Variants in MELK observed in about 807,000 individuals in gnomAD.
MELK encodes the protein pEg3 kinase.
MELK carries 81 observed loss-of-function variants against 85.0 expected under a neutral mutation model. The ratio of observed to expected loss-of-function variants is 0.95; its 90% CI spans 0.80 to 1.15. The LOEUF (loss-of-function observed/expected upper bound fraction) is 1.15, where lower values mean the gene tolerates loss of function less well. Ranked by LOEUF, MELK falls within the 50% of genes most tolerant of loss-of-function variation. The probability of loss-of-function intolerance (pLI) is 0.00; values close to 1 mark genes in which losing one functional copy is unlikely to be tolerated. For synonymous variants in MELK, 252 were observed against 265.0 expected (o/e 0.95, Z 0.48); for missense variants, 754 against 777.5 (o/e 0.97, Z 0.36).
chr9:36,670,841 T>A (rs1832819300), intron 15 of MELK, among the ~76,000 whole-genome samples, 157 bp from the exon 16 acceptor site: 1 of 151,606 alleles, frequency 6.6e-6, no homozygotes, highest in Non-Finnish European at 1.5e-5. Context: ...CAGGGGGAGA[T>A]GGCTTTGGTG....
intron 8 of MELK, among the ~76,000 whole-genome samples, chr9:36,628,496 T>C (rs1477785104): frequency 6.6e-6 from 1 of 152,110 alleles, no homozygotes; most frequent in Non-Finnish European, 1.5e-5. Context: ...CTCAGCTCAC[T>C]GCGACCTCCA....
chr9:36,677,145 T>A lies in MELK; in HGVS notation c.1779-15T>A. On this transcript the variant is annotated splice_polypyrimidine_tract_variant and intron_variant, in intron 17 of 17. Transcript: ENST00000298048. The stretch of plus-strand genomic sequence containing the variant: ...GGTTCTCCTACTAACTAGCTTCTTA[T>A]CTTGTTTTTCACAGTTATACACTGA... 1.2e-6 allele frequency: 2 copies of A among 1,606,390 alleles called. No individual in the cohort carries two copies. Among genetic ancestry groups the A allele is most frequent in the Non-Finnish European group, 1.7e-6 (2 of 1,174,542 alleles).
chr9:36,615,774 G>T (rs1470873944), intron 8 of MELK, among the ~76,000 whole-genome samples: 34 of 146,014 alleles, frequency 2.3e-4, no homozygotes, highest in African/African-American at 3.3e-4. Context: ...GGGCAGAGAC[G>T]CTCCTCACTT....
chr9:36,652,081 C>G (rs1830766863), intron 12 of MELK, among the ~76,000 whole-genome samples: 1 of 120,456 alleles, frequency 8.3e-6, no homozygotes, highest in African/African-American at 3.0e-5. Context: ...GAGTCTCACT[C>G]TGTCATCTAG....
At chr9:36,594,924 CTTTTTTTTTT>C (rs756955937) in intron 5 of MELK, among the ~76,000 whole-genome samples, 153 bp downstream of exon 5, 62 of 131,914 alleles carry the variant, frequency 4.7e-4, no homozygotes, top group Non-Finnish European at 7.2e-4. Context: ...TTTCCTCTTA[CTTTTTTTTTT>C]TTTTTTTTTG....
At chr9:36,586,210 G>A (rs1318992352) in intron 3 of MELK, among the ~76,000 whole-genome samples, 1 of 152,022 alleles carries the variant, frequency 6.6e-6, no homozygotes. Context: ...GGACATGGTG[G>A]TACACACCTG....
At chr9:36,592,938 C>T (rs1001859921) in intron 4 of MELK, among the ~76,000 whole-genome samples, 2 of 152,120 alleles carry the variant, frequency 1.3e-5, no homozygotes, top group Non-Finnish European at 2.9e-5. Context: ...TTGAAGTTTT[C>T]CCTGTAACCA....
intron 11 of MELK, among the ~76,000 whole-genome samples, chr9:36,649,329 A>G (rs1830485612): frequency 6.6e-6 from 1 of 152,086 alleles, no homozygotes; most frequent in African/African-American, 2.4e-5. Flanking sequence ...TACTAAAAAT[A>G]CAAAAAAAAT....
chr9:36,658,692 TTTTG>T (rs1236201174), intron 13 of MELK, among the ~76,000 whole-genome samples: 2 of 145,554 alleles, frequency 1.4e-5, no homozygotes, highest in Non-Finnish European at 3.0e-5. Flanking sequence ...GGGCCATCCT[TTTTG>T]TTTGTTTGTT....
At chr9:36,642,578 G>A (rs898006257) in intron 10 of MELK, among the ~76,000 whole-genome samples, 24 of 151,858 alleles carry the variant, frequency 1.6e-4, no homozygotes, top group Admixed American at 4.6e-4. Flanking sequence ...ACAGATGCTC[G>A]CCACCATGCC....
chr9:36,615,534 C>T (rs1191612691), intron 8 of MELK, among the ~76,000 whole-genome samples: 3 of 140,344 alleles, frequency 2.1e-5, no homozygotes, highest in Non-Finnish European at 4.5e-5. Flanking sequence ...GGCTGCCGGG[C>T]GGAGACGCTC....
rs1013236647 is a variant in MELK, at chr9:36,600,533, G to A, written c.567+1047G>A. On this transcript the variant is annotated intron_variant, in intron 7 of 17. Coordinates refer to ENST00000298048, the MANE Select transcript of MELK (RefSeq NM_014791.4). Reference sequence around the variant, plus strand: ...CGAGTAGCTGGGACTACACGCGTCCGCCACCACGCCTGGCTACTTTTTTTT... The same window carrying A: ...CGAGTAGCTGGGACTACACGCGTCCACCACCACGCCTGGCTACTTTTTTTT... Among the ~76,000 whole-genome samples, 117 of 152,024 alleles carry A rather than the reference G, an allele frequency of 7.7e-4. 1 individual carries two copies. Among genetic ancestry groups the A allele is most frequent in the Non-Finnish European group, 1.9e-4 (13 of 68,006 alleles).
intron 3 of MELK, among the ~76,000 whole-genome samples, chr9:36,586,919 T>A (rs1414538451): frequency 1.3e-5 from 2 of 151,400 alleles, no homozygotes; most frequent in African/African-American, 2.4e-5. Flanking sequence ...TGGAGTGCAG[T>A]GGCACGATCT....
chr9:36,616,671 G>C lies in MELK; in HGVS notation c.666+8998G>C, dbSNP rs142465370. Reference sequence around the variant, plus strand: ...TCCCAAGTGTTGGGATTACAGGCGTGAGCCACCGCGCCTGGCCATAAAACC... The same window carrying C: ...TCCCAAGTGTTGGGATTACAGGCGTCAGCCACCGCGCCTGGCCATAAAACC... On this transcript the variant is annotated intron_variant, in intron 8 of 17. Transcript: ENST00000298048. Among the ~76,000 whole-genome samples, 1,402 of 151,986 alleles carry C rather than the reference G, an allele frequency of 9.2e-3. 23 individuals carry two copies. The highest frequency in any genetic ancestry group is 0.03 in the African/African-American group (1,251 of 41,450).
At chr9:36,615,337 GCGGGGGGC>G (rs1826554683) in intron 8 of MELK, among the ~76,000 whole-genome samples, 1 of 129,620 alleles carries the variant, frequency 7.7e-6, no homozygotes, top group East Asian at 2.6e-4. Context: ...GGCTGGCCGG[GCGGGGGGC>G]TGACCCCCCC....
At chr9:36,670,873 G>T in intron 15 of MELK, 125 bp from the exon 16 acceptor site, 1 of 974,058 alleles carries the variant, frequency 1.0e-6, no homozygotes, top group Non-Finnish European at 1.4e-6. Context: ...AGAGAGAGGT[G>T]ATCTGGCCCT....
intron 1 of MELK, among the ~76,000 whole-genome samples, chr9:36,575,467 G>T (rs984054857): frequency 6.6e-6 from 1 of 152,208 alleles, no homozygotes; most frequent in Non-Finnish European, 1.5e-5. Flanking sequence ...TGTAATGTAA[G>T]CACCAGTTTT....
intron 16 of MELK, 69 bp from the exon 17 acceptor site, chr9:36,674,763 CTT>C: frequency 1.1e-6 from 1 of 880,478 alleles, no homozygotes; most frequent in Non-Finnish European, 1.8e-6. Context: ...TTTTGGAACT[CTT>C]GATCTGGTGT....
intron 10 of MELK, among the ~76,000 whole-genome samples, chr9:36,637,099 TG>T (rs113341545): frequency 0.029 from 4,394 of 152,022 alleles, 219 homozygotes; most frequent in African/African-American, 0.1. Context: ...CCCAAAGTGC[TG>T]GGATTACAGG....
Sources: allele counts gnomAD v4.1 joint callset (sites outside exome capture counted in the v4.1 genomes callset), GRCh38; gene constraint gnomAD v4.1.1; transcripts MANE v1.5; gene names NCBI Gene and HGNC (gene_info 2026-07-23, HGNC 2026-07-21).